ARPC1A: variants seen among roughly 807,000 people sequenced by gnomAD.
The protein encoded by ARPC1A is actin related protein 2/3 complex subunit 1A.
A neutral mutation model predicts 46.9 loss-of-function variants in ARPC1A; 8 were observed. The ratio of observed to expected loss-of-function variants is 0.17; its 90% CI spans 0.10 to 0.31. ARPC1A has a LOEUF of 0.31. ARPC1A is among the 10% of genes least tolerant of loss of function. The pLI is 1.00. For missense variants in ARPC1A, 286 were observed against 483.6 expected (o/e 0.59, Z 3.83); for synonymous variants, 152 against 169.0 (o/e 0.90, Z 0.78).
intron 4 of ARPC1A, among the ~76,000 whole-genome samples, chr7:99,347,174 G>T (rs1351566581): frequency 2.0e-5 from 3 of 152,094 alleles, no homozygotes; most frequent in Admixed American, 2.0e-4. Context: ...GGATCCAGCA[G>T]TCTTGCCACT....
At chr7:99,341,025 T>G (rs571543043) in intron 3 of ARPC1A, among the ~76,000 whole-genome samples, 1 of 152,322 alleles carries the variant, frequency 6.6e-6, no homozygotes, top group Non-Finnish European at 1.5e-5. Context: ...ATTGGAATTT[T>G]AGGCCGGGTG....
chr7:99,362,330 G>A (rs1441309764), intron 8 of ARPC1A, among the ~76,000 whole-genome samples: 9 of 110,610 alleles, frequency 8.1e-5, no homozygotes, highest in Admixed American at 3.8e-4. Context: ...GTAAAACCCC[G>A]CCCCCCTTTT....
intron 3 of ARPC1A, chr7:99,339,898 G>A: frequency 2.3e-6 from 1 of 439,680 alleles, no homozygotes; most frequent in South Asian, 1.6e-5. Context: ...GGCCTCATCA[G>A]ATTGCCATCA....
chr7:99,338,485 A>G (rs1471216656), intron 3 of ARPC1A, among the ~76,000 whole-genome samples, 200 bp downstream of exon 3: 1 of 145,960 alleles, frequency 6.9e-6, no homozygotes, highest in Non-Finnish European at 1.5e-5. Flanking sequence ...TCCCGGGTTC[A>G]AGTAATTTTC....
At chr7:99,342,472 G>T (rs923996903) in intron 3 of ARPC1A, among the ~76,000 whole-genome samples, 16 of 151,876 alleles carry the variant, frequency 1.1e-4, no homozygotes, top group Admixed American at 5.9e-4. Context: ...ATGAGCCTGG[G>T]AGGTTGAGGC....
chr7:99,362,505 T>G (rs1793762942), intron 8 of ARPC1A, among the ~76,000 whole-genome samples: 1 of 149,424 alleles, frequency 6.7e-6, no homozygotes. Context: ...CTAATTTTTT[T>G]TTTTTTTTTG....
At chr7:99,352,355 T>C (rs1207280100) in intron 5 of ARPC1A, among the ~76,000 whole-genome samples, 1 of 152,072 alleles carries the variant, frequency 6.6e-6, no homozygotes, top group Non-Finnish European at 1.5e-5. Context: ...GGTGCTTTGA[T>C]AGTATCTAGA....
At chr7:99,332,815 A>T (rs544535363) in intron 1 of ARPC1A, among the ~76,000 whole-genome samples, 16 of 150,902 alleles carry the variant, frequency 1.1e-4, no homozygotes, top group African/African-American at 3.9e-4. Flanking sequence ...GTTAGCCAGG[A>T]TGGTCTGGAT....
Position 99,354,188 on chromosome 7 carries a change from G to T in ARPC1A, c.713+67G>T, listed in dbSNP as rs1024138759. 19 of 1,549,138 alleles carry T rather than the reference G, an allele frequency of 1.2e-5. No homozygotes were observed. In the Admixed American group the frequency reaches 2.7e-4, roughly 22 times the overall value. ...TGGGATCTCTCACCAGCTGAACCAG[G>T]ACTGCCCTTCCTGGGGTGTTAGCAC... On this transcript the variant is annotated intron_variant, in intron 6 of 9. Coordinates refer to ENST00000262942, the MANE Select transcript of ARPC1A (RefSeq NM_006409.4).
intron 9 of ARPC1A, among the ~76,000 whole-genome samples, chr7:99,364,332 G>T (rs1793792473): frequency 6.8e-6 from 1 of 147,962 alleles, no homozygotes; most frequent in South Asian, 2.1e-4. Context: ...GAGTGCAATG[G>T]CAGAATCTCG....
At chr7:99,336,110 C>A (rs969510052) in intron 2 of ARPC1A, among the ~76,000 whole-genome samples, 5 of 152,178 alleles carry the variant, frequency 3.3e-5, no homozygotes, top group African/African-American at 1.2e-4. Context: ...TAATAATAGG[C>A]TTTTGGAGTA....
At chr7:99,347,829 C>CAAAA (rs755158875) in intron 4 of ARPC1A, among the ~76,000 whole-genome samples, 4 of 90,580 alleles carry the variant, frequency 4.4e-5, no homozygotes, top group African/African-American at 4.1e-5. Flanking sequence ...AACTCCATCT[C>CAAAA]AAAAAAAAAA....
intron 8 of ARPC1A, chr7:99,360,073 C>T (rs1410691441): frequency 1.1e-5 from 4 of 370,478 alleles, no homozygotes; most frequent in Non-Finnish European, 2.0e-5. Context: ...TACTCGAGAA[C>T]AAAAGGAGAC....
intron 8 of ARPC1A, among the ~76,000 whole-genome samples, chr7:99,362,476 C>T (rs1479630632): frequency 4.0e-5 from 6 of 148,570 alleles, no homozygotes; most frequent in Non-Finnish European, 3.0e-5. Flanking sequence ...GGACTACAGG[C>T]GCCCGCCACC....
At chr7:99,330,159 G>T (rs1384461287) in intron 1 of ARPC1A, among the ~76,000 whole-genome samples, 1 of 151,880 alleles carries the variant, frequency 6.6e-6, no homozygotes. Context: ...GTTGTAGTTT[G>T]CTTTCTCGAC....
At position 99,354,838 on chromosome 7, in the gene ARPC1A, C is replaced by T. The variant is rs535534006; in HGVS notation, c.713+717C>T. On this transcript the variant is annotated intron_variant, in intron 6 of 9. Transcript: ENST00000262942. ...CTCTAATAAAAATACAAAAATTAGC[C>T]GCAGTGGCTCACACCTGTAATCCCA... Among the ~76,000 whole-genome samples the T allele has an allele frequency of 6.6e-5, 10 of 152,170 alleles. No individual in the cohort carries two copies. In the East Asian group the frequency reaches 1.2e-3, roughly 18 times the overall value.
In ARPC1A at chr7:99,344,315, C is replaced by T. The variant is rs146155916; in HGVS notation, c.192C>T (p.Ser64=). ...HITGIDWAPK[S]DRIVTCGADR... The stretch of plus-strand genomic sequence containing the variant: ...CAGGTATTGACTGGGCTCCCAAGAG[C>T]GACCGCATTGTCACTTGTGGGGCAG... Residue 64 remains serine (S), a synonymous_variant, in exon 4 of 10, where the codon AGC becomes AGT. Coordinates refer to ENST00000262942, the MANE Select transcript of ARPC1A (RefSeq NM_006409.4). 41 of 1,613,832 alleles carry T rather than the reference C, an allele frequency of 2.5e-5. No homozygotes were observed. The highest frequency in any genetic ancestry group is 2.4e-4 in the South Asian group (22 of 91,074).
In ARPC1A at chr7:99,327,890, T is replaced by A. The variant is rs551738769; in HGVS notation, c.-30+1886T>A. The stretch of plus-strand genomic sequence containing the variant: ...GTTGGAGTACTTGATGTTGCTAGAT[T>A]GGCTAATGAGAGTGATTAGGAACTA... On this transcript the variant is annotated intron_variant, in intron 1 of 9. Coordinates refer to ENST00000262942, the MANE Select transcript of ARPC1A (RefSeq NM_006409.4). Among the ~76,000 whole-genome samples, 12 of 152,252 alleles carry A rather than the reference T, an allele frequency of 7.9e-5. No homozygotes were observed. In the East Asian group the frequency reaches 2.3e-3, roughly 29 times the overall value.
At position 99,345,649 on chromosome 7, in the gene ARPC1A, T is replaced by G. The variant is rs1793432267; in HGVS notation, c.392+1134T>G. Among the ~76,000 whole-genome samples the G allele has an allele frequency of 2.0e-5, 3 of 150,908 alleles. No homozygotes were observed. In the South Asian group the frequency reaches 6.3e-4, roughly 32 times the overall value. On this transcript the variant is annotated intron_variant, in intron 4 of 9. Coordinates refer to ENST00000262942, the MANE Select transcript of ARPC1A (RefSeq NM_006409.4). ...CTCCAGCCTGGGCGGCAAAGTGAGA[T>G]TCTATCTCAAAAAAAAAAAAAATTA...
Sources: gnomAD v4.1 joint callset for allele counts (sites outside exome capture counted in the v4.1 genomes callset) on GRCh38, gnomAD v4.1.1 for gene constraint, MANE v1.5 for transcripts, NCBI Gene and HGNC (gene_info 2026-07-23, HGNC 2026-07-21) for gene names.